CNTN5: variants seen among roughly 807,000 people sequenced by gnomAD.
CNTN5 encodes contactin-5.
In CNTN5, 77 loss-of-function variants were observed where a neutral mutation model predicts 129.1. That is an observed-to-expected ratio of 0.60 (90% CI 0.50 to 0.72). The LOEUF is 0.72. Among genes scored for constraint, CNTN5 ranks in the 30% least tolerant of loss-of-function variants. The pLI, the probability that CNTN5 is intolerant of heterozygous loss-of-function variation, is 0.00. For synonymous variants in CNTN5, 509 were observed against 465.6 expected (o/e 1.09, Z -1.20); for missense variants, 1,478 against 1,328.8 (o/e 1.11, Z -1.75).
intron 1 of CNTN5, among the ~76,000 whole-genome samples, chr11:99,035,383 C>T (rs1272960969): frequency 1.3e-5 from 2 of 152,070 alleles, no homozygotes; most frequent in Non-Finnish European, 2.9e-5. Context: ...TAAAGTCTCC[C>T]ACTGTTAATG....
chr11:100,094,947 T>G (rs1565235064), intron 13 of CNTN5, among the ~76,000 whole-genome samples: 1 of 152,150 alleles, frequency 6.6e-6, no homozygotes. Flanking sequence ...AGACTTCACA[T>G]AGAAATTATT....
At chr11:99,305,870 A>G (rs1369116295) in intron 1 of CNTN5, among the ~76,000 whole-genome samples, 1 of 151,768 alleles carries the variant, frequency 6.6e-6, no homozygotes, top group African/African-American at 2.4e-5. Flanking sequence ...AGTCCCAGCT[A>G]CTCGGGAGGC....
intron 2 of CNTN5, among the ~76,000 whole-genome samples, chr11:99,340,044 A>T (rs914873519): frequency 6.6e-6 from 1 of 152,190 alleles, no homozygotes; most frequent in African/African-American, 2.4e-5. Context: ...TTAAGCAATT[A>T]TTGATGGATT....
chr11:99,681,243 C>T (rs1022472774), intron 3 of CNTN5, among the ~76,000 whole-genome samples: 1 of 152,022 alleles, frequency 6.6e-6, no homozygotes, highest in East Asian at 1.9e-4. Context: ...GTTAATAAAG[C>T]AGTGGTAGTG....
chr11:99,692,863 A>G (rs182172124), intron 3 of CNTN5, among the ~76,000 whole-genome samples: 46 of 152,306 alleles, frequency 3.0e-4, no homozygotes, highest in African/African-American at 1.1e-3. Context: ...ATTTATTGAT[A>G]TCATTAGAAT....
At chr11:99,406,697 A>G (rs182372936) in intron 2 of CNTN5, among the ~76,000 whole-genome samples, 1 of 152,296 alleles carries the variant, frequency 6.6e-6, no homozygotes, top group African/African-American at 2.4e-5. Context: ...GCCAGGGACT[A>G]TAGCCAAAAA....
At chr11:100,125,994 ATGTG>A (rs1359568347) in intron 13 of CNTN5, among the ~76,000 whole-genome samples, 1 of 151,918 alleles carries the variant, frequency 6.6e-6, no homozygotes, top group Non-Finnish European at 1.5e-5. Flanking sequence ...AAATTTTTGT[ATGTG>A]TGTATCTATT....
chr11:99,791,008 A>C (rs1945722393), intron 3 of CNTN5, among the ~76,000 whole-genome samples: 3 of 151,590 alleles, frequency 2.0e-5, no homozygotes, highest in Admixed American at 2.0e-4. Flanking sequence ...TGGGGTTGTT[A>C]CTGCTTATTA....
intron 21 of CNTN5, among the ~76,000 whole-genome samples, chr11:100,325,204 A>G (rs1951766953): frequency 6.6e-6 from 1 of 152,178 alleles, no homozygotes; most frequent in African/African-American, 2.4e-5. Context: ...GAAGAATGTA[A>G]AAAGCAATCT....
At chr11:99,731,486 T>C (rs1045447999) in intron 3 of CNTN5, among the ~76,000 whole-genome samples, 3 of 152,354 alleles carry the variant, frequency 2.0e-5, no homozygotes, top group African/African-American at 7.2e-5. Flanking sequence ...TGGCATGTTA[T>C]CAAAATGCAA....
At position 99,962,680 on chromosome 11, in the gene CNTN5, G is replaced by A. The variant is rs567888179; in HGVS notation, c.877+5671G>A. Among the ~76,000 whole-genome samples the A allele has an allele frequency of 3.3e-5, 5 of 150,804 alleles. No individual in the cohort carries two copies. In the South Asian group the frequency reaches 1.1e-3, roughly 32 times the overall value. The stretch of plus-strand genomic sequence containing the variant: ...TCATTTGGTTATATACCCAGTAATG[G>A]GATGGCTGGGTCAAATGGTATTTCT... On this transcript the variant is annotated intron_variant, in intron 8 of 24. Transcript: ENST00000524871.
intron 3 of CNTN5, among the ~76,000 whole-genome samples, chr11:99,689,548 A>AAG (rs1953952306): frequency 6.7e-6 from 1 of 150,264 alleles, no homozygotes; most frequent in Non-Finnish European, 1.5e-5. Flanking sequence ...AAAAAAAAAA[A>AAG]AAAAGGCATT....
chr11:99,608,374 G>A (rs1950493970), intron 3 of CNTN5, among the ~76,000 whole-genome samples: 2 of 152,168 alleles, frequency 1.3e-5, no homozygotes, highest in African/African-American at 4.8e-5. Context: ...GGTAGTAAGG[G>A]CAATGCATGG....
At chr11:100,253,007 T>C (rs1301722307) in intron 16 of CNTN5, among the ~76,000 whole-genome samples, 1 of 152,152 alleles carries the variant, frequency 6.6e-6, no homozygotes, top group Admixed American at 6.6e-5. Context: ...GACTCCACCG[T>C]TCAATGGCAG....
chr11:99,798,555 T>C (rs1379100386), intron 3 of CNTN5, among the ~76,000 whole-genome samples: 1 of 152,178 alleles, frequency 6.6e-6, no homozygotes, highest in African/African-American at 2.4e-5. Context: ...TTGTTGACTT[T>C]GTTGAAGATT....
At chr11:99,193,479 C>T (rs1404852654) in intron 1 of CNTN5, among the ~76,000 whole-genome samples, 3 of 152,060 alleles carry the variant, frequency 2.0e-5, no homozygotes, top group Admixed American at 2.0e-4. Context: ...GTTGATAAAT[C>T]CAAGAATTGA....
intron 13 of CNTN5, among the ~76,000 whole-genome samples, chr11:100,170,912 T>A (rs1330129212): frequency 6.6e-6 from 1 of 151,830 alleles, no homozygotes; most frequent in Non-Finnish European, 1.5e-5. Flanking sequence ...AAACTTTTTA[T>A]TTATGGGTAA....
At chr11:99,745,356 T>C (rs1300576928) in intron 3 of CNTN5, among the ~76,000 whole-genome samples, 1 of 152,174 alleles carries the variant, frequency 6.6e-6, no homozygotes, top group Non-Finnish European at 1.5e-5. Flanking sequence ...TTATCCCAAA[T>C]TTATTTTGTC....
At chr11:99,151,861 G>T (rs142515776) in intron 1 of CNTN5, among the ~76,000 whole-genome samples, 1 of 151,974 alleles carries the variant, frequency 6.6e-6, no homozygotes. Context: ...ATCACACACC[G>T]GGGCCTGTCA....
Sources: gnomAD v4.1 joint callset for allele counts (sites outside exome capture counted in the v4.1 genomes callset) on GRCh38, gnomAD v4.1.1 for gene constraint, MANE v1.5 for transcripts, NCBI Gene and HGNC (gene_info 2026-07-23, HGNC 2026-07-21) for gene names.